The following OCA2 variants were observed in gnomAD, a reference collection of about 807,000 sequenced individuals.
OCA2 encodes the protein OCA2 melanosomal transmembrane protein.
In OCA2, 77 loss-of-function variants were observed where a neutral mutation model predicts 100.2. That is an observed-to-expected ratio of 0.77 (90% CI 0.64 to 0.93). The LOEUF (loss-of-function observed/expected upper bound fraction) is 0.93, where lower values mean the gene tolerates loss of function less well. OCA2 is among the 40% of genes least tolerant of loss of function. The pLI is 0.00. For synonymous variants in OCA2, 432 were observed against 439.2 expected (o/e 0.98, Z 0.21); for missense variants, 1,062 against 1,089.1 (o/e 0.98, Z 0.35).
intron 2 of OCA2, among the ~76,000 whole-genome samples, chr15:28,061,619 C>T (rs1159684560): frequency 6.6e-6 from 1 of 152,184 alleles, no homozygotes; most frequent in Non-Finnish European, 1.5e-5. Context: ...CTCACCCCTT[C>T]CACCAGGTGA....
chr15:27,926,245 G>A lies in OCA2; in HGVS notation c.1961C>T (p.Ala654Val), dbSNP rs1182502204. ...TAGCAACCAGATGGCACCCAGAATAGCAATCCATCCTGAAAATAAGTAAAT... is the reference window on the plus strand; with the variant it reads ...TAGCAACCAGATGGCACCCAGAATAACAATCCATCCTGAAAATAAGTAAAT... ...PGIHLDLGWI[A>V]ILGAIWLLIL... The change falls in exon 19 of 24, where the codon GCT (alanine) becomes GTT (valine). Residue 654 changes from alanine (A) to valine (V), a missense_variant. Physicochemically the swap from Ala to Val is moderately conservative, Grantham distance 64. Transcript: ENST00000354638. 1 of 1,613,828 alleles carries A rather than the reference G, an allele frequency of 6.2e-7. No individual in the cohort carries two copies. Among genetic ancestry groups the A allele is most frequent in the Non-Finnish European group, 8.5e-7 (1 of 1,179,886 alleles).
At chr15:28,092,143 T>C (rs938949863) in intron 1 of OCA2, among the ~76,000 whole-genome samples, 2 of 152,114 alleles carry the variant, frequency 1.3e-5, no homozygotes, top group African/African-American at 4.8e-5. Context: ...CCTGACTCCA[T>C]GTATATATAA....
chr15:27,865,936 C>A (rs2036304573), intron 21 of OCA2, among the ~76,000 whole-genome samples: 1 of 152,178 alleles, frequency 6.6e-6, no homozygotes, highest in Admixed American at 6.5e-5. Flanking sequence ...GTCAAAGGGG[C>A]CCCTCTGTAG....
At chr15:27,976,651 CTAATTTTTTAAATATTAA>C (rs1478933136) in intron 14 of OCA2, among the ~76,000 whole-genome samples, 1 of 152,046 alleles carries the variant, frequency 6.6e-6, no homozygotes, top group Non-Finnish European at 1.5e-5. Flanking sequence ...ATTGGATTTA[CTAATTTTTTAAATATTAA>C]ATCTATGTTC....
intron 20 of OCA2, among the ~76,000 whole-genome samples, chr15:27,871,516 C>T (rs560226216): frequency 2.0e-5 from 3 of 152,208 alleles, no homozygotes; most frequent in Non-Finnish European, 4.4e-5. Context: ...CCCCTCATCC[C>T]CATGTGGTGG....
chr15:28,070,938 CT>C (rs2044240322), intron 2 of OCA2, among the ~76,000 whole-genome samples: 1 of 147,076 alleles, frequency 6.8e-6, no homozygotes, highest in African/African-American at 2.6e-5. Flanking sequence ...ACAAGATGTG[CT>C]TTGTTAAACA....
chr15:27,772,798 G>A (rs1442626469), intron 23 of OCA2, among the ~76,000 whole-genome samples: 5 of 143,960 alleles, frequency 3.5e-5, no homozygotes, highest in South Asian at 2.2e-4. Flanking sequence ...CTGAGATCTC[G>A]CCACTGCACT....
intron 23 of OCA2, among the ~76,000 whole-genome samples, chr15:27,791,798 T>G (rs1432557674): frequency 6.6e-6 from 1 of 152,216 alleles, no homozygotes; most frequent in African/African-American, 2.4e-5. Flanking sequence ...CGGGGTTGCT[T>G]TGGAAAACAC....
intron 9 of OCA2, among the ~76,000 whole-genome samples, chr15:27,999,062 G>A (rs567911161): frequency 1.4e-5 from 2 of 146,822 alleles, no homozygotes; most frequent in African/African-American, 2.4e-5. Context: ...GGTGGGGAGA[G>A]GGGGGAGGGA....
At chr15:27,771,118 C>T (rs1163505858) in intron 23 of OCA2, among the ~76,000 whole-genome samples, 1 of 123,528 alleles carries the variant, frequency 8.1e-6, no homozygotes, top group African/African-American at 2.7e-5. Flanking sequence ...TTCCTTCTTC[C>T]TTCTTTCCTT....
chr15:28,041,116 C>CAATACTAAGCA (rs2043188411), intron 2 of OCA2, among the ~76,000 whole-genome samples: 1 of 151,920 alleles, frequency 6.6e-6, no homozygotes, highest in Non-Finnish European at 1.5e-5. Flanking sequence ...ACAAAATACT[C>CAATACTAAGCA]AATACTAAGC....
At chr15:27,923,292 A>C (rs1242155587) in intron 19 of OCA2, among the ~76,000 whole-genome samples, 1 of 152,244 alleles carries the variant, frequency 6.6e-6, no homozygotes, top group African/African-American at 2.4e-5. Context: ...TGCTATGGTG[A>C]ATAATGCTGC....
intron 23 of OCA2, among the ~76,000 whole-genome samples, chr15:27,789,543 T>A (rs1410561763): frequency 6.6e-6 from 1 of 152,130 alleles, no homozygotes; most frequent in African/African-American, 2.4e-5. Context: ...GAAGAGCCCA[T>A]GAAAGTCCCC....
At chr15:27,728,469 G>T in the OCA2 span, among the ~76,000 whole-genome samples, 1 of 152,058 alleles carries the variant, frequency 6.6e-6, no homozygotes, top group Non-Finnish European at 1.5e-5. Context: ...AATTTTGGGG[G>T]TCCATCAGCC....
At chr15:27,940,189 T>G (rs2039596827) in intron 18 of OCA2, among the ~76,000 whole-genome samples, 2 of 152,210 alleles carry the variant, frequency 1.3e-5, no homozygotes, top group Non-Finnish European at 2.9e-5. Flanking sequence ...TGGGCCACTA[T>G]GTAATATTCT....
intron 23 of OCA2, among the ~76,000 whole-genome samples, chr15:27,795,993 T>C (rs892968926): frequency 1.3e-5 from 2 of 152,218 alleles, no homozygotes; most frequent in Non-Finnish European, 2.9e-5. Flanking sequence ...AGCACATTGT[T>C]TTTGTGCTTT....
chr15:28,042,512 C>T (rs2043234807), intron 2 of OCA2, among the ~76,000 whole-genome samples: 1 of 150,586 alleles, frequency 6.6e-6, no homozygotes, highest in Non-Finnish European at 1.5e-5. Context: ...TGGTGATACA[C>T]ACCTGTGGTC....
chr15:28,088,847 G>A (rs1252610538), intron 1 of OCA2, among the ~76,000 whole-genome samples: 1 of 152,224 alleles, frequency 6.6e-6, no homozygotes, highest in African/African-American at 2.4e-5. Flanking sequence ...GGCACATGTT[G>A]TCTTTGATGA....
At chr15:28,098,279 A>C (rs1328414313) in intron 1 of OCA2, among the ~76,000 whole-genome samples, 1 of 152,210 alleles carries the variant, frequency 6.6e-6, no homozygotes, top group Non-Finnish European at 1.5e-5. Context: ...CTCTGTGTTC[A>C]GGTTCAATCC....
Sources: allele counts gnomAD v4.1 joint callset (sites outside exome capture counted in the v4.1 genomes callset), GRCh38; gene constraint gnomAD v4.1.1; transcripts MANE v1.5; gene names NCBI Gene and HGNC (gene_info 2026-07-23, HGNC 2026-07-21).